PCNX2: variants seen among roughly 807,000 people sequenced by gnomAD.
PCNX2 encodes the protein pecanex 2.
PCNX2 carries 168 observed loss-of-function variants against 223.8 expected under a neutral mutation model. That is an observed-to-expected ratio of 0.75 (90% CI 0.66 to 0.85). The LOEUF is 0.85. Ranked by LOEUF, PCNX2 falls within the 40% of genes least tolerant of loss-of-function variation. The pLI is 0.00. For missense variants in PCNX2, 2,507 were observed against 2,675.5 expected (o/e 0.94, Z 1.39); for synonymous variants, 1,006 against 1,052.6 (o/e 0.96, Z 0.86).
chr1:233,061,776 T>C (rs1207809903), intron 23 of PCNX2, among the ~76,000 whole-genome samples: 1 of 152,104 alleles, frequency 6.6e-6, no homozygotes, highest in Non-Finnish European at 1.5e-5. Flanking sequence ...TTGTTTTTTT[T>C]GAGACAGAGT....
intron 21 of PCNX2, among the ~76,000 whole-genome samples, chr1:233,134,583 C>T (rs114396107): frequency 0.013 from 1,993 of 149,962 alleles, 36 homozygotes; most frequent in African/African-American, 0.046. Context: ...GGCAGAGAGG[C>T]GGGAAGGCAG....
intron 23 of PCNX2, among the ~76,000 whole-genome samples, chr1:233,070,073 T>C (rs895905380): frequency 6.6e-6 from 1 of 152,062 alleles, no homozygotes; most frequent in Non-Finnish European, 1.5e-5. Flanking sequence ...TAGGGAATAT[T>C]ACAAATAATT....
intron 22 of PCNX2, among the ~76,000 whole-genome samples, chr1:233,093,000 C>T (rs143117423): frequency 1.2e-3 from 182 of 152,202 alleles, no homozygotes; most frequent in Middle Eastern, 3.4e-3. Context: ...GGGGTTTCAC[C>T]GTGTTAGCCA....
chr1:233,167,267 T>G (rs1038905308), intron 17 of PCNX2, among the ~76,000 whole-genome samples: 8 of 152,082 alleles, frequency 5.3e-5, no homozygotes, highest in Admixed American at 5.2e-4. Flanking sequence ...TGGAGCACAT[T>G]TTGCTAAGCG....
intron 21 of PCNX2, among the ~76,000 whole-genome samples, chr1:233,130,505 G>GTGTGTGTGTGT (rs1676426150): frequency 6.7e-6 from 1 of 149,300 alleles, no homozygotes. Flanking sequence ...GTGTGTGTGT[G>GTGTGTGTGTGT]ATGGAGTCTT....
chr1:233,163,537 A>T (rs1354302910), intron 17 of PCNX2, among the ~76,000 whole-genome samples: 1 of 151,732 alleles, frequency 6.6e-6, no homozygotes, highest in Non-Finnish European at 1.5e-5. Flanking sequence ...TTTTACATGT[A>T]TAAATTATAT....
chr1:233,035,673 C>T (rs558422826), intron 25 of PCNX2, among the ~76,000 whole-genome samples: 1 of 152,304 alleles, frequency 6.6e-6, no homozygotes, highest in Admixed American at 6.5e-5. Flanking sequence ...TAGGCACAAA[C>T]GTTGGGATAC....
intron 25 of PCNX2, among the ~76,000 whole-genome samples, chr1:233,053,857 A>G (rs913178465): frequency 7.9e-5 from 12 of 152,210 alleles, no homozygotes; most frequent in Admixed American, 3.9e-4. Context: ...TTTTGCAGAT[A>G]GGAAAGAAAA....
At chr1:233,056,258 C>T (rs549069516) in intron 24 of PCNX2, among the ~76,000 whole-genome samples, 1 of 152,280 alleles carries the variant, frequency 6.6e-6, no homozygotes, top group South Asian at 2.1e-4. Context: ...GAGAATTAGC[C>T]TTTGCTTAAT....
At chr1:233,177,562 T>C (rs1461660616) in intron 17 of PCNX2, among the ~76,000 whole-genome samples, 1 of 152,194 alleles carries the variant, frequency 6.6e-6, no homozygotes, top group East Asian at 1.9e-4. Context: ...AAAAATGGCC[T>C]TGCTGAGTAA....
intron 15 of PCNX2, among the ~76,000 whole-genome samples, chr1:233,184,517 A>G (rs1280029749): frequency 6.6e-6 from 1 of 152,140 alleles, no homozygotes; most frequent in East Asian, 1.9e-4. Flanking sequence ...ATATTTTGAT[A>G]ATTGAGTTTA....
At chr1:233,017,200 A>G (rs759391218) in intron 26 of PCNX2, 46 bp from the exon 27 acceptor site, 3 of 793,462 alleles carry the variant, frequency 3.8e-6, no homozygotes, top group East Asian at 5.7e-5. Flanking sequence ...ATTTAATCTT[A>G]GAAAGTAAAT....
At chr1:233,196,964 A>G (rs1389641351) in intron 15 of PCNX2, among the ~76,000 whole-genome samples, 1 of 152,138 alleles carries the variant, frequency 6.6e-6, no homozygotes, top group Non-Finnish European at 1.5e-5. Flanking sequence ...TGATGGTGGT[A>G]ACTTGTCTAC....
intron 23 of PCNX2, 171 bp downstream of exon 23, chr1:233,089,890 A>T (rs1332077932): frequency 7.2e-7 from 1 of 1,396,092 alleles, no homozygotes; most frequent in African/African-American, 1.5e-5. Flanking sequence ...GATCCCTGAG[A>T]CCCAAGAGCT....
chr1:232,989,124 G>A (rs1165208811), intron 32 of PCNX2, among the ~76,000 whole-genome samples: 1 of 151,976 alleles, frequency 6.6e-6, no homozygotes, highest in Non-Finnish European at 1.5e-5. Context: ...AGTAAAACAA[G>A]ACCCTTGTTA....
intron 22 of PCNX2, among the ~76,000 whole-genome samples, chr1:233,095,128 T>C (rs1254948636): frequency 6.6e-6 from 1 of 152,190 alleles, no homozygotes; most frequent in East Asian, 1.9e-4. Flanking sequence ...TATATAAAAC[T>C]TAGCTATCAA....
intron 17 of PCNX2, chr1:233,172,615 G>T: frequency 1.1e-6 from 1 of 903,830 alleles, no homozygotes; most frequent in Non-Finnish European, 1.3e-6. Context: ...TTCAATTCCT[G>T]TTCTCCATAG....
intron 16 of PCNX2, among the ~76,000 whole-genome samples, chr1:233,178,660 G>T (rs1479906519): frequency 6.6e-6 from 1 of 152,150 alleles, no homozygotes; most frequent in Non-Finnish European, 1.5e-5. Flanking sequence ...AGAGGTGCTG[G>T]TTTAGTCTCC....
intron 26 of PCNX2, among the ~76,000 whole-genome samples, chr1:233,017,503 A>G (rs1670722761): frequency 6.6e-6 from 1 of 151,920 alleles, no homozygotes; most frequent in Admixed American, 6.6e-5. Flanking sequence ...ATTTTAGTGG[A>G]GACGGGGTTT....
Sources: gnomAD v4.1 joint callset for allele counts (sites outside exome capture counted in the v4.1 genomes callset) on GRCh38, gnomAD v4.1.1 for gene constraint, MANE v1.5 for transcripts, NCBI Gene and HGNC (gene_info 2026-07-23, HGNC 2026-07-21) for gene names.